The following MORC1 variants were observed in gnomAD, a reference collection of about 807,000 sequenced individuals.
The protein encoded by MORC1 is MORC family CW-type zinc finger protein 1.
MORC1 carries 59 observed loss-of-function variants against 134.9 expected under a neutral mutation model. The observed-to-expected ratio is 0.44, with a 90% CI of 0.35 to 0.54. MORC1 has a LOEUF of 0.54. MORC1 is among the 20% of genes least tolerant of loss of function. The probability of loss-of-function intolerance (pLI) is 0.00; values close to 1 mark genes in which losing one functional copy is unlikely to be tolerated. For missense variants in MORC1, 947 were observed against 1,134.5 expected (o/e 0.83, Z 2.37); for synonymous variants, 395 against 391.7 (o/e 1.01, Z -0.10).
chr3:109,117,348 A>G (rs1951295038), intron 1 of MORC1, among the ~76,000 whole-genome samples: 1 of 149,640 alleles, frequency 6.7e-6, no homozygotes, highest in Admixed American at 6.6e-5. Context: ...AAAAAAAAAA[A>G]AAAAAGAAAC....
intron 21 of MORC1, among the ~76,000 whole-genome samples, chr3:108,996,286 G>GCGCGCGCGCGCACACACACACACA: frequency 1.6e-4 from 23 of 146,468 alleles, no homozygotes; most frequent in South Asian, 4.4e-4. Context: ...GCGCGCGCGC[G>GCGCGCGCGCGCACACACACACACA]CACACACACA....
At chr3:109,041,740 A>G (rs1008289552) in intron 14 of MORC1, among the ~76,000 whole-genome samples, 4 of 152,122 alleles carry the variant, frequency 2.6e-5, no homozygotes, top group Middle Eastern at 3.2e-3. Flanking sequence ...CCAGCGACTC[A>G]GGAGGCTGAG....
intron 6 of MORC1, among the ~76,000 whole-genome samples, chr3:109,096,815 G>A (rs1287988781): frequency 6.6e-6 from 1 of 151,932 alleles, no homozygotes; most frequent in African/African-American, 2.4e-5. Context: ...CTTGGGGTCT[G>A]GGATCAGACC....
intron 12 of MORC1, among the ~76,000 whole-genome samples, chr3:109,059,001 T>G (rs1482841997): frequency 6.6e-6 from 1 of 152,128 alleles, no homozygotes; most frequent in Non-Finnish European, 1.5e-5. Context: ...TGTTTTTAAA[T>G]TACAATTTCT....
intron 17 of MORC1, among the ~76,000 whole-genome samples, chr3:109,021,423 C>T (rs1467008305): frequency 2.0e-5 from 3 of 152,182 alleles, no homozygotes; most frequent in Non-Finnish European, 2.9e-5. Context: ...AGCATGCAAA[C>T]AGAGGGATGT....
In MORC1 at chr3:109,004,908, A is replaced by C. The variant is rs367918659; in HGVS notation, c.2014-20T>G. The C allele has an allele frequency of 6.9e-6, 11 of 1,604,248 alleles. No homozygotes were observed. Among genetic ancestry groups the C allele is most frequent in the Non-Finnish European group, 9.3e-6 (11 of 1,177,160 alleles). ...ACTTCTCTTTCAAAACAGAGAATAC[A>C]GAAAAAAAAATTAGAAATTGGGACC... On this transcript the variant is annotated intron_variant, in intron 19 of 27. Coordinates refer to ENST00000232603, the MANE Select transcript of MORC1 (RefSeq NM_014429.4).
intron 14 of MORC1, among the ~76,000 whole-genome samples, chr3:109,040,488 G>GAAAGGAAA (rs1553753680): frequency 4.3e-5 from 4 of 92,524 alleles, no homozygotes; most frequent in African/African-American, 1.4e-4. Context: ...AAGAAAGAAA[G>GAAAGGAAA]GAAAGAAAAG....
chr3:108,968,816 C>A (rs1250979924), intron 26 of MORC1, among the ~76,000 whole-genome samples: 1 of 152,184 alleles, frequency 6.6e-6, no homozygotes, highest in Non-Finnish European at 1.5e-5. Flanking sequence ...AAAGACCCAA[C>A]ATTTCAGTAT....
At chr3:108,985,488 T>C (rs967760773) in intron 22 of MORC1, among the ~76,000 whole-genome samples, 2 of 152,158 alleles carry the variant, frequency 1.3e-5, no homozygotes, top group African/African-American at 2.4e-5. Context: ...GAAGGCTAAG[T>C]AGAAGAGGAC....
chr3:108,958,831 GA>G lies in MORC1; in HGVS notation c.*133del. 3 of 545,764 alleles carry G rather than the reference GA, an allele frequency of 5.5e-6. No homozygotes were observed. Among genetic ancestry groups the G allele is most frequent in the Non-Finnish European group, 8.7e-6 (3 of 344,508 alleles). 33.8% of individuals were successfully genotyped at this position (545,764 alleles called of 1,614,324 possible). A position where few individuals can be genotyped will look rare whatever the true frequency, so the allele number is the denominator to read the frequency against. On this transcript the variant is annotated 3_prime_UTR_variant, in exon 28 of 28. Coordinates refer to ENST00000232603, the MANE Select transcript of MORC1 (RefSeq NM_014429.4). ...TCTAGAGTACACAATTTTCTTATTT[GA>G]AAAAAATTATTTCTTATTTCTTATT...
chr3:109,072,966 TAC>T (rs60720692), intron 8 of MORC1, among the ~76,000 whole-genome samples: 67,789 of 136,654 alleles, frequency 0.5, 17,201 homozygotes, highest in East Asian at 0.9. Flanking sequence ...CACACACACA[TAC>T]ACACACACAC....
chr3:109,062,385 T>C (rs1391619802), intron 10 of MORC1, among the ~76,000 whole-genome samples: 1 of 151,966 alleles, frequency 6.6e-6, no homozygotes, highest in African/African-American at 2.4e-5. Context: ...AGAGTTTTGT[T>C]CCTGCAGTAG....
At chr3:109,045,253 A>C (rs1047735390) in intron 14 of MORC1, among the ~76,000 whole-genome samples, 7 of 152,174 alleles carry the variant, frequency 4.6e-5, no homozygotes, top group Non-Finnish European at 2.9e-5. Flanking sequence ...TCGAAATTTC[A>C]TACCTTTTCT....
At chr3:109,078,624 C>A (rs963770628) in intron 8 of MORC1, among the ~76,000 whole-genome samples, 2 of 151,514 alleles carry the variant, frequency 1.3e-5, no homozygotes, top group East Asian at 3.9e-4. Context: ...AAAACACATA[C>A]CTCAAGGAAG....
chr3:108,962,441 C>T (rs1361989126), intron 27 of MORC1, among the ~76,000 whole-genome samples: 1 of 152,150 alleles, frequency 6.6e-6, no homozygotes, highest in African/African-American at 2.4e-5. Context: ...ATGTTCTTCA[C>T]ACATTATACA....
At chr3:109,102,209 C>T (rs1950942354) in intron 4 of MORC1, among the ~76,000 whole-genome samples, 1 of 151,982 alleles carries the variant, frequency 6.6e-6, no homozygotes, top group Non-Finnish European at 1.5e-5. Flanking sequence ...TGGATTCAAA[C>T]GATGAGGGGT....
chr3:109,059,071 T>C (rs900559249), intron 12 of MORC1, among the ~76,000 whole-genome samples: 1 of 152,176 alleles, frequency 6.6e-6, no homozygotes, highest in Non-Finnish European at 1.5e-5. Context: ...TTTATTTATT[T>C]TGATAAATGC....
chr3:109,037,777 CT>C (rs34475089), intron 14 of MORC1, among the ~76,000 whole-genome samples: 3,473 of 152,258 alleles, frequency 0.023, 63 homozygotes, highest in Middle Eastern at 0.11. Context: ...TGAACTCATC[CT>C]TTTTTATGGC....
rs1021169965 is a variant in MORC1 at position 108,962,019 on chromosome 3, A to G, written c.2799+1395T>C. ...TGCTAGGCTCCATACCAGACTTTTA[A>G]CACATGAAAACATTTGGCATTCTTC... On this transcript the variant is annotated intron_variant, in intron 27 of 27. Transcript: ENST00000232603. Among the ~76,000 whole-genome samples the G allele has an allele frequency of 3.3e-5, 5 of 152,184 alleles. No individual in the cohort carries two copies. The East Asian group carries it at 9.6e-4, about 29-fold the overall frequency.
Sources: gnomAD v4.1 joint callset for allele counts (sites outside exome capture counted in the v4.1 genomes callset) on GRCh38, gnomAD v4.1.1 for gene constraint, MANE v1.5 for transcripts, NCBI Gene and HGNC (gene_info 2026-07-23, HGNC 2026-07-21) for gene names.